SCN9A: variants seen among roughly 807,000 people sequenced by gnomAD.
The protein encoded by SCN9A is sodium channel protein type 9 subunit alpha.
A neutral mutation model predicts 187.0 loss-of-function variants in SCN9A; 131 were observed. The observed-to-expected ratio is 0.70, with a 90% CI of 0.61 to 0.81. The LOEUF is 0.81. SCN9A is among the 30% of genes least tolerant of loss of function. The pLI is 0.00. For missense variants in SCN9A, 2,252 were observed against 2,396.6 expected (o/e 0.94, Z 1.26); for synonymous variants, 809 against 808.6 (o/e 1.00, Z -0.01).
At chr2:166,235,002 A>G (rs1238636439) in intron 20 of SCN9A, among the ~76,000 whole-genome samples, 1 of 152,112 alleles carries the variant, frequency 6.6e-6, no homozygotes, top group Admixed American at 6.6e-5. Context: ...TCGCCATGTG[A>G]TGCCATGAGC....
At chr2:166,275,623 G>T (rs1697202279) in intron 16 of SCN9A, among the ~76,000 whole-genome samples, 1 of 151,558 alleles carries the variant, frequency 6.6e-6, no homozygotes, top group Admixed American at 6.6e-5. Flanking sequence ...TGCTATAGGA[G>T]CTTATAAATA....
At position 166,251,869 on chromosome 2, in the gene SCN9A, C is replaced by T. The variant is rs141040985; in HGVS notation, c.3368G>A (p.Ser1123Asn). ...ATCAACTGTGCTGCACTCTGAGGAG[C>T]TTGACCGGTTTAATCTCTAGAAAGG... ...EYSKVRLNRS[S>N]SSECSTVDNP... The change falls in exon 18 of 27, where the codon AGC becomes AAC. Residue 1123 changes from serine to asparagine, a missense_variant. Around this residue, in one of 7 missense-constraint regions of SCN9A, gnomAD observed 313 missense variants for 295.3 expected, o/e 1.06. Coordinates refer to ENST00000642356, the MANE Select transcript of SCN9A (RefSeq NM_001365536.1). The T allele has an allele frequency of 9.6e-5, 155 of 1,612,392 alleles. 2 individuals carry two copies. The East Asian group carries it at 3.4e-3, about 36-fold the overall frequency.
chr2:166,210,421 T>C (rs1694029702), intron 24 of SCN9A, among the ~76,000 whole-genome samples: 1 of 150,328 alleles, frequency 6.7e-6, no homozygotes, highest in African/African-American at 2.5e-5. Flanking sequence ...GTAACTAACC[T>C]GCACGTTGTG....
chr2:166,229,094 CA>C (rs1248578612), intron 21 of SCN9A, 122 bp from the exon 22 acceptor site: 18 of 714,122 alleles, frequency 2.5e-5, no homozygotes, highest in Non-Finnish European at 2.5e-5. Flanking sequence ...TCTAAGACAT[CA>C]AACCAACCAG....
At chr2:166,261,056 TA>T (rs1438338112) in intron 17 of SCN9A, among the ~76,000 whole-genome samples, 1 of 151,884 alleles carries the variant, frequency 6.6e-6, no homozygotes, top group African/African-American at 2.4e-5. Flanking sequence ...TGTTTCAAAG[TA>T]TAACATTACA....
intron 1 of SCN9A, among the ~76,000 whole-genome samples, chr2:166,358,875 T>C (rs184503606): frequency 9.9e-4 from 151 of 152,338 alleles, no homozygotes; most frequent in African/African-American, 3.5e-3. Context: ...TGTTTTCTTC[T>C]AGCAGTTTTG....
chr2:166,301,049 C>A (rs1260482857), intron 7 of SCN9A: 2 of 149,550 alleles, frequency 1.3e-5, no homozygotes, highest in African/African-American at 5.1e-5. Flanking sequence ...GAATTACAGG[C>A]GCCCACCACC....
chr2:166,350,711 C>T (rs765993652), intron 1 of SCN9A, among the ~76,000 whole-genome samples: 1 of 152,114 alleles, frequency 6.6e-6, no homozygotes, highest in East Asian at 1.9e-4. Flanking sequence ...TGTTTGTAAA[C>T]ACATTCTCTG....
At chr2:166,317,627 T>C (rs775369857) in intron 1 of SCN9A, among the ~76,000 whole-genome samples, 9 of 152,234 alleles carry the variant, frequency 5.9e-5, no homozygotes, top group Non-Finnish European at 1.0e-4. Context: ...TTATCTATGC[T>C]TATCCATCTA....
At chr2:166,355,507 T>TTG (rs1037034820) in intron 1 of SCN9A, among the ~76,000 whole-genome samples, 5 of 151,170 alleles carry the variant, frequency 3.3e-5, no homozygotes, top group East Asian at 3.9e-4. Context: ...TGCCAAGGGA[T>TTG]TGTGTGTGTG....
At chr2:166,269,172 G>C (rs999965663) in intron 17 of SCN9A, among the ~76,000 whole-genome samples, 1 of 151,818 alleles carries the variant, frequency 6.6e-6, no homozygotes, top group Non-Finnish European at 1.5e-5. Context: ...AACATCAAAT[G>C]ATTTTTAGAC....
chr2:166,375,897 A>T lies in SCN9A; in HGVS notation c.-251T>A, dbSNP rs1425278281. On this transcript the variant is annotated 5_prime_UTR_variant, in exon 1 of 27. Transcript: ENST00000642356. ...CCTCAGCCGAGCTGGCGGAATTGGA[A>T]AGCCGACAGCCGCCGCTGGAGCGCT... 1 of 152,220 alleles carries T rather than the reference A, an allele frequency of 6.6e-6. No homozygotes were observed. Among genetic ancestry groups the T allele is most frequent in the African/African-American group, 2.4e-5 (1 of 41,452 alleles). 9.4% of individuals were successfully genotyped at this position (152,220 alleles called of 1,614,324 possible). A position where few individuals can be genotyped will look rare whatever the true frequency, so the allele number is the denominator to read the frequency against.
Position 166,199,509 on chromosome 2 carries a change from A to C in SCN9A, c.5130T>G (p.Ser1710Arg). Residue 1710 changes from serine (S) to arginine (R), a missense_variant, in exon 27 of 27, where the codon AGT becomes AGG. This residue lies in a region of SCN9A where 345 missense variants were observed against 344.6 expected (regional missense o/e 1.00). Transcript: ENST00000642356. ...WDGLLAPILN[S>R]KPPDCDPKKV... ...TTTTTGGGTCACAGTCGGGTGGCTT[A>C]CTGTTAAGAATAGGTGCTAGCAATC... 1 of 1,614,192 alleles carries C rather than the reference A, an allele frequency of 6.2e-7. No homozygotes were observed. Among genetic ancestry groups the C allele is most frequent in the Non-Finnish European group, 8.5e-7 (1 of 1,180,024 alleles).
At chr2:166,329,103 A>G (rs948475338) in intron 1 of SCN9A, among the ~76,000 whole-genome samples, 10 of 152,152 alleles carry the variant, frequency 6.6e-5, no homozygotes, top group Admixed American at 6.5e-4. Flanking sequence ...GTGACCAGCC[A>G]TCAATTAAAT....
intron 21 of SCN9A, among the ~76,000 whole-genome samples, chr2:166,229,950 G>A (rs890730034): frequency 6.6e-6 from 1 of 152,194 alleles, no homozygotes; most frequent in Non-Finnish European, 1.5e-5. Flanking sequence ...GTTAGGGAAG[G>A]AGCACTGGGA....
intron 24 of SCN9A, among the ~76,000 whole-genome samples, chr2:166,210,846 G>T (rs1232844501): frequency 6.6e-6 from 1 of 152,050 alleles, no homozygotes; most frequent in Non-Finnish European, 1.5e-5. Flanking sequence ...GATCACCTGA[G>T]GTCAGGAGTT....
At chr2:166,346,744 C>T (rs1699910715) in intron 1 of SCN9A, among the ~76,000 whole-genome samples, 1 of 152,116 alleles carries the variant, frequency 6.6e-6, no homozygotes, top group African/African-American at 2.4e-5. Flanking sequence ...TCATTGTTCT[C>T]TCTAAAGCGT....
intron 1 of SCN9A, among the ~76,000 whole-genome samples, chr2:166,343,833 A>C (rs1699842284): frequency 6.6e-6 from 1 of 152,114 alleles, no homozygotes; most frequent in South Asian, 2.1e-4. Context: ...GAAAAAGTGG[A>C]GATAGCAATT....
chr2:166,286,627 G>A lies in SCN9A; in HGVS notation c.1315-4C>T. 1.3e-6 allele frequency: 2 copies of A among 1,528,422 alleles called. No individual in the cohort carries two copies. The highest frequency in any genetic ancestry group is 1.3e-5 in the South Asian group (1 of 75,688). 94.7% of individuals were successfully genotyped at this position (1,528,422 alleles called of 1,614,324 possible). On this transcript the variant is annotated splice_region_variant and splice_polypyrimidine_tract_variant and intron_variant, in intron 10 of 26. Transcript: ENST00000642356. ...CAGCCGCTGCCGCTGCAATTGCCTG[G>A]TTGGGCCAAGACGTTAACACTTAAA...
Sources: allele counts gnomAD v4.1 joint callset (sites outside exome capture counted in the v4.1 genomes callset), GRCh38; gene constraint gnomAD v4.1.1; regional missense constraint gnomAD v4.1.1; transcripts MANE v1.5; gene names NCBI Gene and HGNC (gene_info 2026-07-23, HGNC 2026-07-21).